The following TMEM184B variants were observed in gnomAD, a reference collection of about 807,000 sequenced individuals.
TMEM184B encodes the protein transmembrane protein 184B, also known as putative MAPK-activating protein FM08.
In TMEM184B, 17 loss-of-function variants were observed where a neutral mutation model predicts 41.8. The observed-to-expected ratio is 0.41, with a 90% confidence interval of 0.28 to 0.61. The LOEUF is 0.61. Ranked by LOEUF, TMEM184B falls within the 20% of genes least tolerant of loss-of-function variation. The pLI, the probability that TMEM184B is intolerant of heterozygous loss-of-function variation, is 0.34. For missense variants in TMEM184B, 393 were observed against 557.8 expected, an observed-to-expected ratio of 0.70 and a Z score of 2.98; for synonymous variants, 240 against 229.5, an observed-to-expected ratio of 1.05 and a Z score of -0.41.
At position 38,232,865 on chromosome 22, in the gene TMEM184B, C is replaced by G. The variant is rs145303496; in HGVS notation, c.359-1531G>C. Among the ~76,000 whole-genome samples, 80 of 152,314 alleles carry G rather than the reference C, an allele frequency of 5.3e-4. 1 individual carries two copies. Among genetic ancestry groups the G allele is most frequent in the African/African-American group, 1.9e-3 (80 of 41,568 alleles). ...GATCCCAGAGGTTCTAGCACCCTTC[C>G]CGCTGTACTCTCAGGATCCATCAAC... On this transcript the variant is annotated intron_variant, in intron 3 of 8. Transcript: ENST00000361906.
chr22:38,257,038 A>G (rs1200203172), intron 1 of TMEM184B, among the ~76,000 whole-genome samples: 1 of 146,762 alleles, frequency 6.8e-6, no homozygotes, highest in Non-Finnish European at 1.5e-5. Flanking sequence ...CTGGAGTGCA[A>G]TGGCGCGATC....
At chr22:38,270,358 C>G (rs1033567910) in intron 1 of TMEM184B, among the ~76,000 whole-genome samples, 29 of 152,230 alleles carry the variant, frequency 1.9e-4, no homozygotes, top group Non-Finnish European at 3.7e-4. Flanking sequence ...ACAGCCCCCA[C>G]CACACTGGGT....
At chr22:38,265,220 C>G (rs1294805256) in intron 1 of TMEM184B, among the ~76,000 whole-genome samples, 1 of 152,192 alleles carries the variant, frequency 6.6e-6, no homozygotes, top group Non-Finnish European at 1.5e-5. Flanking sequence ...GCAAAGACCT[C>G]CTGCACTTCA....
chr22:38,227,266 G>C (rs916098320), intron 5 of TMEM184B, among the ~76,000 whole-genome samples: 1 of 152,116 alleles, frequency 6.6e-6, no homozygotes, highest in Non-Finnish European at 1.5e-5. Flanking sequence ...GAAGCTTCTC[G>C]AGCCAGGACC....
At position 38,245,968 on chromosome 22, in the gene TMEM184B, C is replaced by T. The variant is rs760695169; in HGVS notation, c.325G>A (p.Val109Met). Residue 109 changes from valine to methionine, a missense_variant, in exon 3 of 9, where the codon GTG (valine) becomes ATG (methionine). This residue lies in a region of TMEM184B where 271 missense variants were observed against 434.1 expected (regional missense o/e 0.62). Coordinates refer to ENST00000361906, the MANE Select transcript of TMEM184B (RefSeq NM_012264.5). ...LLFFTNDQYY[V>M]YFGTVRDCYE... is the part of the protein sequence containing the mutation. ...CAGTCGCGGACGGTGCCGAAGTACA[C>T]GTAGTACTGGTCGTTGGTGAAGAAG... 3.8e-6 allele frequency: 6 copies of T among 1,575,100 alleles called. No homozygotes were observed. The highest frequency in any genetic ancestry group is 2.2e-5 in the South Asian group (2 of 90,692).
Position 38,219,768 on chromosome 22 carries a change from G to C in TMEM184B, c.*1701C>G. 4.1e-6 allele frequency: 4 copies of C among 985,704 alleles called. No individual in the cohort carries two copies. Among genetic ancestry groups the C allele is most frequent in the Non-Finnish European group, 4.8e-6 (4 of 830,096 alleles). The allele number at this position is 985,704 out of a possible 1,614,324, so 61.1% of individuals were successfully genotyped here. On this transcript the variant is annotated 3_prime_UTR_variant, in exon 9 of 9. Coordinates refer to ENST00000361906, the MANE Select transcript of TMEM184B (RefSeq NM_012264.5). ...GTGGAGAGACAGCTTGGTGAAAGCA[G>C]ATGGCGGGGCAGGGCCAGGGCTGGT...
chr22:38,225,031 C>T lies in TMEM184B; in HGVS notation c.788-52G>A. On this transcript the variant is annotated intron_variant, in intron 7 of 8. Transcript: ENST00000361906. The surrounding 1 kb of genome is among the most constrained non-coding windows in gnomAD (Gnocchi z 4.4). Reference sequence around the variant, plus strand: ...ACCCAGAATGATTCCTTTCCTGCTCCCCCTTCTTCCACAATGCCCCATTCA... The same window carrying T: ...ACCCAGAATGATTCCTTTCCTGCTCTCCCTTCTTCCACAATGCCCCATTCA... The T allele has an allele frequency of 1.4e-6, 2 of 1,481,178 alleles. No homozygotes were observed. Among genetic ancestry groups the T allele is most frequent in the East Asian group, 2.5e-5 (1 of 39,968 alleles). The allele number at this position is 1,481,178 out of a possible 1,614,324, so 91.8% of individuals were successfully genotyped here.
chr22:38,253,134 G>A (rs927561709), intron 1 of TMEM184B, among the ~76,000 whole-genome samples: 5 of 151,826 alleles, frequency 3.3e-5, no homozygotes, highest in Admixed American at 6.6e-5. Flanking sequence ...AGAGCCAGAC[G>A]CAGTCTCAAA....
intron 1 of TMEM184B, chr22:38,272,428 G>A: frequency 1.0e-6 from 1 of 978,190 alleles, no homozygotes; most frequent in South Asian, 4.7e-5. Context: ...ACGCAGCCCC[G>A]AAAGCCCCCC....
In TMEM184B at chr22:38,224,837, C is replaced by T; in HGVS notation, c.930G>A (p.Leu310=). 2 of 1,613,514 alleles carry T rather than the reference C, an allele frequency of 1.2e-6. No homozygotes were observed. Among genetic ancestry groups the T allele is most frequent in the South Asian group, 1.1e-5 (1 of 91,060 alleles). The change falls in exon 8 of 9, where the codon CTG becomes CTA. Residue 310 remains leucine (L), a synonymous_variant. Transcript: ENST00000361906. The part of the protein sequence containing the change: ...CVEMFFAALA[L]RHAFTYKVYA... The stretch of plus-strand genomic sequence containing the variant: ...AGACCTTGTAGGTGAAGGCGTGCCG[C>T]AGGGCCAGGGCTGCAAAGAACATCT...
At chr22:38,237,419 G>A (rs2284071) in intron 3 of TMEM184B, among the ~76,000 whole-genome samples, 49,504 of 152,094 alleles carry the variant, frequency 0.33, 8,220 homozygotes, top group Admixed American at 0.38. Flanking sequence ...CACTGCGTGC[G>A]GGACCCCGAT....
downstream of TMEM184B, among the ~76,000 whole-genome samples, chr22:38,216,880 CAAAAAAT>C (rs1569001798): frequency 6.6e-6 from 1 of 151,702 alleles, no homozygotes; most frequent in Non-Finnish European, 1.5e-5. Flanking sequence ...CCCATCTCTA[CAAAAAAT>C]AAAAAATAAT....
At chr22:38,271,330 A>G (rs1394963495) in intron 1 of TMEM184B, among the ~76,000 whole-genome samples, 1 of 152,186 alleles carries the variant, frequency 6.6e-6, no homozygotes, top group African/African-American at 2.4e-5. Context: ...AGCAAGAGAG[A>G]GGTCCTGGTT....
At chr22:38,228,853 A>G (rs2091528879) in intron 5 of TMEM184B, among the ~76,000 whole-genome samples, 1 of 152,230 alleles carries the variant, frequency 6.6e-6, no homozygotes, top group Non-Finnish European at 1.5e-5. Flanking sequence ...CACACTAGCT[A>G]ACAATCATGA....
In TMEM184B at chr22:38,247,917, G is replaced by C. The variant is rs764629656; in HGVS notation, c.45C>G (p.Pro15=). ...GDVLAPDPAS[P]TTAAASPSVS... is the part of the protein sequence containing the mutation. ...CGCTGGGCGAGGCTGCTGCGGTCGT[G>C]GGCGACGCTGGATCCGGGGCCAGCA... Residue 15 remains proline (P), a synonymous_variant, in exon 2 of 9, where the codon CCC becomes CCG. Transcript: ENST00000361906. The C allele has an allele frequency of 1.2e-5, 20 of 1,601,224 alleles. No homozygotes were observed. The highest frequency in any genetic ancestry group is 6.7e-5 in the East Asian group (3 of 44,580).
At chr22:38,228,014 G>A (rs971453265) in intron 5 of TMEM184B, among the ~76,000 whole-genome samples, 4 of 152,214 alleles carry the variant, frequency 2.6e-5, no homozygotes, top group Non-Finnish European at 5.9e-5. Context: ...GCTGCAAAGA[G>A]GACGAGGAGC....
rs752721517 is a variant in TMEM184B at position 38,246,102 on chromosome 22, TG to T, written c.193-3del. Reference sequence around the variant, plus strand: ...GTAGCAGCGCAGGTGCATGTAGATCTGGGGGCAGAGGTGTGGGGTCAGCTGG... The same window carrying T: ...GTAGCAGCGCAGGTGCATGTAGATCTGGGGCAGAGGTGTGGGGTCAGCTGG... On this transcript the variant is annotated splice_polypyrimidine_tract_variant and splice_region_variant and intron_variant, in intron 2 of 8. Coordinates refer to ENST00000361906, the MANE Select transcript of TMEM184B (RefSeq NM_012264.5). 1.2e-6 allele frequency: 2 copies of T among 1,608,768 alleles called. No homozygotes were observed. The highest frequency in any genetic ancestry group is 1.1e-5 in the South Asian group (1 of 91,060).
At chr22:38,253,587 A>G (rs2145727053) in intron 1 of TMEM184B, among the ~76,000 whole-genome samples, 1 of 152,246 alleles carries the variant, frequency 6.6e-6, no homozygotes, top group East Asian at 1.9e-4. Flanking sequence ...AAATAAATAA[A>G]TAAATAATAA....
At chr22:38,222,219 T>C (rs1041909644) in intron 8 of TMEM184B, 1 of 162,390 alleles carries the variant, frequency 6.2e-6, no homozygotes, top group African/African-American at 2.4e-5. Flanking sequence ...CAGATGCGAC[T>C]CACTGGCTCC....
Sources: allele counts gnomAD v4.1 joint callset (sites outside exome capture counted in the v4.1 genomes callset), GRCh38; gene constraint gnomAD v4.1.1; regional missense constraint gnomAD v4.1.1; non-coding constraint Gnocchi (gnomAD v3.1); transcripts MANE v1.5; gene names NCBI Gene and HGNC (gene_info 2026-07-23, HGNC 2026-07-21).